The following GRM1 variants were observed in gnomAD, a reference collection of about 807,000 sequenced individuals.
GRM1 encodes metabotropic glutamate receptor 1.
A neutral mutation model predicts 90.9 loss-of-function variants in GRM1; 33 were observed. The ratio of observed to expected loss-of-function variants is 0.36; its 90% CI spans 0.28 to 0.49. GRM1 has a LOEUF of 0.49. Among genes scored for constraint, GRM1 ranks in the 20% least tolerant of loss-of-function variants. The pLI, the probability that GRM1 is intolerant of heterozygous loss-of-function variation, is 0.99. For missense variants in GRM1, 1,190 were observed against 1,534.3 expected (o/e 0.78, Z 3.75); for synonymous variants, 700 against 613.2 (o/e 1.14, Z -2.09).
chr6:146,301,124 G>A (rs578130420), intron 2 of GRM1, among the ~76,000 whole-genome samples: 1 of 151,994 alleles, frequency 6.6e-6, no homozygotes, highest in Admixed American at 6.6e-5. Flanking sequence ...CAAACCTTTA[G>A]CAATTAACTC....
chr6:146,337,945 G>A (rs991829215), intron 3 of GRM1, among the ~76,000 whole-genome samples: 1 of 152,148 alleles, frequency 6.6e-6, no homozygotes, highest in African/African-American at 2.4e-5. Context: ...TCAGGATGTG[G>A]TAAAATGGGT....
intron 7 of GRM1, among the ~76,000 whole-genome samples, chr6:146,404,169 A>C (rs1265800496): frequency 6.6e-6 from 1 of 152,110 alleles, no homozygotes; most frequent in Non-Finnish European, 1.5e-5. Context: ...AGTAAACATC[A>C]GAAGATTTAT....
At chr6:146,112,807 C>T (rs528103599) in intron 1 of GRM1, among the ~76,000 whole-genome samples, 1 of 152,172 alleles carries the variant, frequency 6.6e-6, no homozygotes, top group African/African-American at 2.4e-5. Flanking sequence ...ATTGGTGGCC[C>T]TTTTTGTTGT....
chr6:146,184,956 G>A (rs955372734), intron 2 of GRM1, among the ~76,000 whole-genome samples: 1 of 152,194 alleles, frequency 6.6e-6, no homozygotes, highest in East Asian at 1.9e-4. Context: ...TACCATGTGT[G>A]CTGAAAGGTG....
At chr6:146,285,188 C>T (rs1240327530) in intron 2 of GRM1, among the ~76,000 whole-genome samples, 1 of 152,198 alleles carries the variant, frequency 6.6e-6, no homozygotes, top group Non-Finnish European at 1.5e-5. Flanking sequence ...CACTTACTGG[C>T]TATATCAAAC....
chr6:146,041,161 T>C (rs1791087633), intron 1 of GRM1, among the ~76,000 whole-genome samples: 1 of 152,048 alleles, frequency 6.6e-6, no homozygotes, highest in Admixed American at 6.6e-5. Flanking sequence ...TGCTTTTATG[T>C]GTTATCTTGG....
chr6:146,060,471 G>T (rs369466930), intron 1 of GRM1, among the ~76,000 whole-genome samples: 4 of 151,978 alleles, frequency 2.6e-5, no homozygotes, highest in African/African-American at 4.8e-5. Flanking sequence ...TCAATGTCTA[G>T]CTGCCATTTA....
chr6:146,357,715 T>C (rs377302722), intron 5 of GRM1, 21 bp downstream of exon 5: 21 of 1,605,930 alleles, frequency 1.3e-5, no homozygotes, highest in Non-Finnish European at 1.8e-5. Flanking sequence ...AATGCATTCT[T>C]GCATGGTATC....
At chr6:146,346,125 A>AT (rs1291021870) in intron 3 of GRM1, among the ~76,000 whole-genome samples, 1 of 152,182 alleles carries the variant, frequency 6.6e-6, no homozygotes, top group Admixed American at 6.5e-5. Context: ...ATACACCATA[A>AT]TTTTTTGAAA....
chr6:146,327,042 A>C (rs1784421136), intron 3 of GRM1, among the ~76,000 whole-genome samples: 1 of 152,204 alleles, frequency 6.6e-6, no homozygotes, highest in African/African-American at 2.4e-5. Context: ...AGTTTCCCTG[A>C]CTGTAATATG....
intron 2 of GRM1, among the ~76,000 whole-genome samples, chr6:146,284,969 A>G (rs1160129607): frequency 6.6e-6 from 1 of 152,224 alleles, no homozygotes. Context: ...CACAAATTCT[A>G]GTTCCAAGCA....
chr6:146,226,021 T>G (rs1440391401), intron 2 of GRM1, among the ~76,000 whole-genome samples: 2 of 152,132 alleles, frequency 1.3e-5, no homozygotes, highest in African/African-American at 4.8e-5. Context: ...GTAAATATCC[T>G]TTAGAGATGA....
At chr6:146,313,270 GGTTATAACTATTAATAA>G (rs2114948469) in intron 3 of GRM1, among the ~76,000 whole-genome samples, 1 of 152,186 alleles carries the variant, frequency 6.6e-6, no homozygotes, top group African/African-American at 2.4e-5. Context: ...ACTAGAATTT[GGTTATAACTATTAATAA>G]GTTCTTTAAT....
At chr6:146,395,017 C>G (rs1195487562) in intron 6 of GRM1, among the ~76,000 whole-genome samples, 2 of 152,012 alleles carry the variant, frequency 1.3e-5, no homozygotes, top group East Asian at 1.9e-4. Flanking sequence ...GAATAAGTTG[C>G]CTCATTTTTC....
chr6:146,267,899 C>T (rs1246600188), intron 2 of GRM1, among the ~76,000 whole-genome samples: 1 of 152,106 alleles, frequency 6.6e-6, no homozygotes, highest in Non-Finnish European at 1.5e-5. Context: ...AGGATTAATA[C>T]CTTGTATCCC....
At position 146,139,973 on chromosome 6, in the gene GRM1, TCCG is replaced by T. The variant is rs1346162730; in HGVS notation, c.701-19373_701-19371del. Among the ~76,000 whole-genome samples, 191 of 87,108 alleles carry T rather than the reference TCCG, an allele frequency of 2.2e-3. 3 individuals are homozygous for T. The highest frequency in any genetic ancestry group is 0.011 in the African/African-American group (173 of 15,600). 57.1% of individuals were successfully genotyped at this position (87,108 alleles called of 152,430 possible). A position where few individuals can be genotyped will look rare whatever the true frequency, so the allele number is the denominator to read the frequency against. ...TCCCCTCCCCTTCCCTTCCCTTCCC[TCCG>T]CTTCCCTCCGCTTCCCTCCGCTTCC... On this transcript the variant is annotated intron_variant, in intron 1 of 7. Coordinates refer to ENST00000282753, the MANE Select transcript of GRM1 (RefSeq NM_001278064.2).
rs143644929 is a variant in GRM1, at chr6:146,223,946, C to G, written c.950+64349C>G. ...AGTATTAACATTGTTCCTTAGAGCC[C>G]AGGCATATAATGTAGTTTCCTGACA... On this transcript the variant is annotated intron_variant, in intron 2 of 7. Transcript: ENST00000282753. 7.7e-3 allele frequency among the ~76,000 whole-genome samples: 1,177 copies of G among 151,966 alleles called. 17 individuals are homozygous for G. The highest frequency in any genetic ancestry group is 0.027 in the African/African-American group (1,128 of 41,454).
intron 1 of GRM1, among the ~76,000 whole-genome samples, chr6:146,050,694 A>AG: frequency 6.6e-6 from 1 of 151,376 alleles, no homozygotes; most frequent in Non-Finnish European, 1.5e-5. Flanking sequence ...TCCAAAGCAG[A>AG]ATCTACACAC....
At chr6:146,389,213 G>C (rs565938775) in intron 6 of GRM1, among the ~76,000 whole-genome samples, 2 of 152,092 alleles carry the variant, frequency 1.3e-5, no homozygotes, top group Non-Finnish European at 2.9e-5. Context: ...AGCTGACTAG[G>C]AAAAAGCTCA....
Sources: allele counts gnomAD v4.1 joint callset (sites outside exome capture counted in the v4.1 genomes callset), GRCh38; gene constraint gnomAD v4.1.1; transcripts MANE v1.5; gene names NCBI Gene and HGNC (gene_info 2026-07-23, HGNC 2026-07-21).